Variants in ZNF814 observed in about 807,000 individuals in gnomAD.
ZNF814 encodes zinc finger protein 814.
Under a neutral mutation model 7.5 loss-of-function variants are expected in ZNF814, and 5 were observed. That is an observed-to-expected ratio of 0.67 (90% CI 0.35 to 1.40). The LOEUF is 1.40. Ranked by LOEUF, ZNF814 falls within the 40% of genes most tolerant of loss-of-function variation. The pLI, the probability that ZNF814 is intolerant of heterozygous loss-of-function variation, is 0.04. For synonymous variants in ZNF814, 315 were observed against 340.7 expected (o/e 0.92, Z 0.83); for missense variants, 962 against 1,018.0 (o/e 0.94, Z 0.75).
chr19:57,888,647 C>A, intron 1 of ZNF814, 120 bp downstream of exon 1: 1 of 1,298,272 alleles, frequency 7.7e-7, no homozygotes, highest in Non-Finnish European at 1.1e-6. Flanking sequence ...GCCCCTCCCG[C>A]AAGCGCCTCA....
At chr19:57,901,001 T>C in the ZNF814 span, among the ~76,000 whole-genome samples, 23 of 151,942 alleles carry the variant, frequency 1.5e-4, no homozygotes, top group African/African-American at 2.7e-4. Context: ...CACCCGCCGC[T>C]GCGCCCGGCT....
rs1318611316 is a variant in ZNF814 at position 57,873,923 on chromosome 19, T to G, written c.1467A>C (p.Glu489Asp). 6.2e-7 allele frequency: 1 copy of G among 1,613,808 alleles called. No individual in the cohort carries two copies. The highest frequency in any genetic ancestry group is 8.5e-7 in the Non-Finnish European group (1 of 1,179,924). Residue 489 changes from glutamate (E) to aspartate (D), a missense_variant, in exon 3 of 3, where the codon GAA becomes GAC. Coordinates refer to ENST00000435989, the MANE Select transcript of ZNF814 (RefSeq NM_001144989.2). Reference protein sequence around the residue: ...LVHHQRVHSGERPYQCGECGK... With the variant: ...LVHHQRVHSGDRPYQCGECGK... ...CACATTCTCCACACTGATAAGGTCT[T>G]TCTCCACTGTGAACTCGCTGATGGT...
chr19:57,877,683 C>T (rs1235306919), intron 1 of ZNF814, among the ~76,000 whole-genome samples: 3 of 152,054 alleles, frequency 2.0e-5, no homozygotes, highest in Admixed American at 6.6e-5. Flanking sequence ...CCTCGTAATC[C>T]TCCCACCTCG....
upstream of ZNF814, among the ~76,000 whole-genome samples, chr19:57,889,719 A>AC (rs916472392): frequency 5.3e-5 from 8 of 151,548 alleles, no homozygotes; most frequent in African/African-American, 1.9e-4. Flanking sequence ...ACAAAAATTA[A>AC]CCCACATGGT....
rs1292299211 is a variant in ZNF814 at position 57,874,726 on chromosome 19, G to A, written c.664C>T (p.His222Tyr). 17 of 1,602,464 alleles carry A rather than the reference G, an allele frequency of 1.1e-5. No homozygotes were observed. Among genetic ancestry groups the A allele is most frequent in the Middle Eastern group, 3.3e-4 (2 of 6,044 alleles). Residue 222 changes from histidine to tyrosine, a missense_variant, in exon 3 of 3, where the codon CAT (histidine) becomes TAT (tyrosine). His to Tyr is a moderately conservative substitution (Grantham distance 83). Coordinates refer to ENST00000435989, the MANE Select transcript of ZNF814 (RefSeq NM_001144989.2). ...CTGAGTATATGTTTGGTGCTAAAATGTTTCATGGATTCTCCACAGCTGTAG... is the reference window on the plus strand; with the variant it reads ...CTGAGTATATGTTTGGTGCTAAAATATTTCATGGATTCTCCACAGCTGTAG... ...AHYSCGESMKHFSTKHILSQH... is the reference protein window; with the variant it reads ...AHYSCGESMKYFSTKHILSQH...
intron 1 of ZNF814, among the ~76,000 whole-genome samples, chr19:57,887,537 A>C (rs1390335810): frequency 6.6e-6 from 1 of 152,002 alleles, no homozygotes; most frequent in Admixed American, 6.6e-5. Flanking sequence ...GTTTTCACTA[A>C]TCCTGTTTTT....
intron 2 of ZNF814, 150 bp from the exon 3 acceptor site, chr19:57,875,376 T>C (rs1447387778): frequency 2.8e-5 from 43 of 1,526,072 alleles, no homozygotes; most frequent in Non-Finnish European, 3.7e-5. Context: ...TGGTGCTATG[T>C]ATTATTACTG....
At chr19:57,897,404 A>G in the ZNF814 span, among the ~76,000 whole-genome samples, 4 of 152,182 alleles carry the variant, frequency 2.6e-5, no homozygotes, top group Non-Finnish European at 5.9e-5. Context: ...AGGAATGTAG[A>G]AAAGGAAATC....
upstream of ZNF814, among the ~76,000 whole-genome samples, chr19:57,893,888 C>T (rs2071744939): frequency 2.0e-5 from 3 of 150,774 alleles, no homozygotes; most frequent in African/African-American, 7.3e-5. Context: ...CCATTGCACT[C>T]CAGCGTGGGT....
rs545950399 is a variant in ZNF814 at position 57,889,023 on chromosome 19, A to C, written c.-221T>G. 9 of 553,442 alleles carry C rather than the reference A, an allele frequency of 1.6e-5. No individual in the cohort carries two copies. The highest frequency in any genetic ancestry group is 2.9e-5 in the Non-Finnish European group (9 of 311,926). The allele number at this position is 553,442 out of a possible 1,614,324, so 34.3% of individuals were successfully genotyped here. ...AGGAGCCTCTCCTACAAATAAATCC[A>C]ACACCAATCAAAATGGCCGCCACCA... On this transcript the variant is annotated 5_prime_UTR_variant, in exon 1 of 3. Coordinates refer to ENST00000435989, the MANE Select transcript of ZNF814 (RefSeq NM_001144989.2).
rs764399511 is a variant in ZNF814 at position 57,874,037 on chromosome 19, A to G, written c.1353T>C (p.Leu451=). ...CGKSFSSEGH[L]RSHQRVHAGE... is the part of the protein sequence containing the mutation. ...CGGCGTGAACTCGTTGATGGCTCCT[A>G]AGATGTCCTTCTGAACTAAAAGATT... Residue 451 remains leucine (L), a synonymous_variant, in exon 3 of 3, where the codon CTT becomes CTC. Transcript: ENST00000435989. 33 of 1,612,128 alleles carry G rather than the reference A, an allele frequency of 2.0e-5. No individual in the cohort carries two copies. The highest frequency in any genetic ancestry group is 2.7e-5 in the Non-Finnish European group (32 of 1,179,256).
rs376217272 is a variant in ZNF814, at chr19:57,873,601, C to T, written c.1789G>A (p.Val597Ile). 5.7e-5 allele frequency: 92 copies of T among 1,613,532 alleles called. No individual in the cohort carries two copies. The highest frequency in any genetic ancestry group is 1.6e-4 in the African/African-American group (12 of 74,792). The change falls in exon 3 of 3, where the codon GTT (valine) becomes ATT (isoleucine). Residue 597 changes from valine to isoleucine, a missense_variant. Around this residue, in one of 7 missense-constraint regions of ZNF814, gnomAD observed 665 missense variants for 551.4 expected, o/e 1.21. Transcript: ENST00000435989. The stretch of plus-strand genomic sequence containing the variant: ...TCATAAGGCCTCTCTCCAGTATGAA[C>T]GCGCTGATGGCTCCTAAGGTGCCCG... ...SIGHLRSHQR[V>I]HTGERPYECG...
rs2071566138 is a variant in ZNF814, at chr19:57,872,764, T to G, written c.*58A>C. On this transcript the variant is annotated 3_prime_UTR_variant, in exon 3 of 3. Coordinates refer to ENST00000435989, the MANE Select transcript of ZNF814 (RefSeq NM_001144989.2). Reference sequence around the variant, plus strand: ...CATATGGCCTTTCTCCAGTGTGAACTCTCTGGTGTGCAATGAGGTGGTCCT... The same window carrying G: ...CATATGGCCTTTCTCCAGTGTGAACGCTCTGGTGTGCAATGAGGTGGTCCT... The G allele has an allele frequency of 3.1e-6, 5 of 1,607,506 alleles. No homozygotes were observed. The East Asian group carries it at 1.1e-4, about 36-fold the overall frequency.
At chr19:57,880,672 C>T (rs1168779732) in intron 1 of ZNF814, among the ~76,000 whole-genome samples, 2 of 140,312 alleles carry the variant, frequency 1.4e-5, no homozygotes, top group East Asian at 4.3e-4. Flanking sequence ...AGTAGTGCTA[C>T]CTTGGCTCAC....
Position 57,871,801 on chromosome 19 carries a change from T to C in ZNF814, c.*1021A>G, listed in dbSNP as rs1284716318. The C allele has an allele frequency of 2.7e-5, 3 of 110,606 alleles. No individual in the cohort carries two copies. The East Asian group carries it at 8.5e-4, about 31-fold the overall frequency. The allele number at this position is 110,606 out of a possible 1,614,324, so 6.9% of individuals were successfully genotyped here. A position where few individuals can be genotyped will look rare whatever the true frequency, so the allele number is the denominator to read the frequency against. On this transcript the variant is annotated 3_prime_UTR_variant, in exon 3 of 3. Coordinates refer to ENST00000435989, the MANE Select transcript of ZNF814 (RefSeq NM_001144989.2). ...AATCCTTCTGTGACTCGATCAGAAA[T>C]TAAAAGTTAAAAAAAAAAAAAAAAA...
At position 57,872,770 on chromosome 19, in the gene ZNF814, G is replaced by C. The variant is rs1219162663; in HGVS notation, c.*52C>G. ...GCCTTTCTCCAGTGTGAACTCTCTG[G>C]TGTGCAATGAGGTGGTCCTTCTTGC... On this transcript the variant is annotated 3_prime_UTR_variant, in exon 3 of 3. Transcript: ENST00000435989. 1.1e-5 allele frequency: 17 copies of C among 1,593,482 alleles called. No individual in the cohort carries two copies. The highest frequency in any genetic ancestry group is 1.4e-5 in the Non-Finnish European group (16 of 1,169,536).
the ZNF814 span, among the ~76,000 whole-genome samples, chr19:57,901,359 G>A: frequency 6.6e-6 from 1 of 152,186 alleles, no homozygotes; most frequent in Non-Finnish European, 1.5e-5. Flanking sequence ...GCCCATGACA[G>A]CAGCTGAACA....
the ZNF814 span, chr19:57,901,535 T>C: frequency 2.5e-6 from 1 of 398,070 alleles, no homozygotes; most frequent in Admixed American, 4.4e-5. Context: ...CCACCAAACA[T>C]CTGAAGGTCT....
intron 1 of ZNF814, among the ~76,000 whole-genome samples, chr19:57,877,601 C>T (rs978009947): frequency 2.0e-5 from 3 of 152,018 alleles, no homozygotes; most frequent in African/African-American, 7.2e-5. Context: ...TACCACCACA[C>T]CTGGCTAATT....
Sources: allele counts gnomAD v4.1 joint callset (sites outside exome capture counted in the v4.1 genomes callset), GRCh38; gene constraint gnomAD v4.1.1; regional missense constraint gnomAD v4.1.1; transcripts MANE v1.5; gene names NCBI Gene and HGNC (gene_info 2026-07-23, HGNC 2026-07-21).